The following ROS1 variants were observed in gnomAD, a reference collection of about 807,000 sequenced individuals.
ROS1 encodes the protein ROS proto-oncogene 1, receptor tyrosine kinase, also known as proto-oncogene tyrosine-protein kinase ROS.
Under a neutral mutation model 273.5 loss-of-function variants are expected in ROS1, and 263 were observed. That is an observed-to-expected ratio of 0.96 (90% CI 0.87 to 1.06). ROS1 has a LOEUF of 1.06. Among genes scored for constraint, ROS1 ranks in the 50% least tolerant of loss-of-function variants. The pLI is 0.00. For synonymous variants in ROS1, 1,008 were observed against 954.1 expected, an observed-to-expected ratio of 1.06 and a Z score of -1.04; for missense variants, 2,833 against 2,751.1, an observed-to-expected ratio of 1.03 and a Z score of -0.67.
chr6:117,356,434 T>C (rs1779309047), intron 26 of ROS1, among the ~76,000 whole-genome samples, 195 bp downstream of exon 26: 1 of 152,222 alleles, frequency 6.6e-6, no homozygotes, highest in African/African-American at 2.4e-5. Context: ...AACACAGATT[T>C]AGAAAATTAT....
Position 117,379,173 on chromosome 6 carries a change from A to C in ROS1, c.2482-14T>G. 1 of 1,523,410 alleles carries C rather than the reference A, an allele frequency of 6.6e-7. No individual in the cohort carries two copies. The highest frequency in any genetic ancestry group is 9.1e-7 in the Non-Finnish European group (1 of 1,098,846). 94.4% of individuals were successfully genotyped at this position (1,523,410 alleles called of 1,614,324 possible). A position where few individuals can be genotyped will look rare whatever the true frequency, so the allele number is the denominator to read the frequency against. On this transcript the variant is annotated splice_polypyrimidine_tract_variant and intron_variant, in intron 17 of 43. Transcript: ENST00000368507. ...TAGAGCAATTACCTAAGTAGAAAGTAAGGTAAGAAAATAAACCAAATACAT... is the reference window on the plus strand; with the variant it reads ...TAGAGCAATTACCTAAGTAGAAAGTCAGGTAAGAAAATAAACCAAATACAT...
chr6:117,423,781 A>G (rs528089084), intron 1 of ROS1, among the ~76,000 whole-genome samples: 3 of 152,204 alleles, frequency 2.0e-5, no homozygotes, highest in African/African-American at 2.4e-5. Context: ...GTAAATGTCC[A>G]TGTTTTTAAA....
intron 12 of ROS1, among the ~76,000 whole-genome samples, chr6:117,391,550 A>G (rs1723753951): frequency 6.6e-6 from 1 of 152,228 alleles, no homozygotes; most frequent in South Asian, 2.1e-4. Flanking sequence ...CAAAAAGAAC[A>G]GCATAGAGGA....
intron 1 of ROS1, among the ~76,000 whole-genome samples, chr6:117,421,295 G>T (rs9489161): frequency 0.12 from 18,573 of 150,072 alleles, 1,266 homozygotes; most frequent in African/African-American, 0.16. Flanking sequence ...GGGTACAAGT[G>T]GTTTTTGGTT....
chr6:117,386,857 T>C, intron 15 of ROS1, 32 bp downstream of exon 15: 1 of 1,096,866 alleles, frequency 9.1e-7, no homozygotes, highest in Non-Finnish European at 1.4e-6. Context: ...TAGAAATCTG[T>C]CATTCAAGTG....
chr6:117,302,791 A>T (rs1462871085), intron 42 of ROS1, among the ~76,000 whole-genome samples: 1 of 152,202 alleles, frequency 6.6e-6, no homozygotes, highest in Non-Finnish European at 1.5e-5. Flanking sequence ...CTCCCATGTC[A>T]AAGTGAGGGT....
chr6:117,298,819 C>T (rs1352764617), intron 43 of ROS1, among the ~76,000 whole-genome samples: 1 of 152,164 alleles, frequency 6.6e-6, no homozygotes, highest in Admixed American at 6.5e-5. Flanking sequence ...AATACAGGTG[C>T]TTACACTATG....
intron 42 of ROS1, among the ~76,000 whole-genome samples, chr6:117,306,707 T>C (rs1033657899): frequency 1.3e-5 from 2 of 152,176 alleles, no homozygotes; most frequent in Non-Finnish European, 2.9e-5. Context: ...GCTGGGCCTG[T>C]GATCTCAGAA....
Position 117,308,773 on chromosome 6 carries a change from A to G in ROS1, c.6551+21T>C, listed in dbSNP as rs776485024. The G allele has an allele frequency of 1.9e-6, 3 of 1,609,590 alleles. No individual in the cohort carries two copies. The African/African-American group carries it at 4.0e-5, about 22-fold the overall frequency. On this transcript the variant is annotated intron_variant, in intron 42 of 43. Coordinates refer to ENST00000368507, the MANE Select transcript of ROS1 (RefSeq NM_001378902.1). ...ACATGTTTTTGTTTGGGGGATACATATGTTAACATAATTAACTTACAGATC... is the reference window on the plus strand; with the variant it reads ...ACATGTTTTTGTTTGGGGGATACATGTGTTAACATAATTAACTTACAGATC...
In ROS1 at chr6:117,358,171, C is replaced by T. The variant is rs76521331; in HGVS notation, c.3634-162G>A. Among the ~76,000 whole-genome samples, 448 of 152,304 alleles carry T rather than the reference C, an allele frequency of 2.9e-3. 1 individual carries two copies. Among genetic ancestry groups the T allele is most frequent in the Non-Finnish European group, 5.5e-3 (371 of 68,020 alleles). On this transcript the variant is annotated intron_variant, in intron 24 of 43. Coordinates refer to ENST00000368507, the MANE Select transcript of ROS1 (RefSeq NM_001378902.1). ...ACCATTGTAACATGGGCACTGTTCT[C>T]ACATTTTTCCTAAATGATTTTAACT...
chr6:117,332,559 A>G (rs1256765777), intron 32 of ROS1, among the ~76,000 whole-genome samples: 1 of 152,214 alleles, frequency 6.6e-6, no homozygotes, highest in Non-Finnish European at 1.5e-5. Flanking sequence ...TGAGTGCCAC[A>G]TGGTACTTAT....
chr6:117,293,371 G>C (rs1206049996), intron 43 of ROS1, among the ~76,000 whole-genome samples: 1 of 152,088 alleles, frequency 6.6e-6, no homozygotes, highest in Non-Finnish European at 1.5e-5. Flanking sequence ...AATTCCTTTA[G>C]ATTACCTAAA....
chr6:117,386,329 A>G (rs1186672065), intron 15 of ROS1, among the ~76,000 whole-genome samples: 1 of 152,204 alleles, frequency 6.6e-6, no homozygotes, highest in African/African-American at 2.4e-5. Flanking sequence ...TTGTACTTTT[A>G]ATGGCCAAAT....
At chr6:117,289,960 A>C (rs991422135) in intron 43 of ROS1, among the ~76,000 whole-genome samples, 3 of 152,206 alleles carry the variant, frequency 2.0e-5, no homozygotes, top group African/African-American at 7.2e-5. Context: ...GTTAGGAAAA[A>C]ATAAGATATT....
At chr6:117,372,012 C>T (rs1466668401) in intron 18 of ROS1, among the ~76,000 whole-genome samples, 1 of 152,140 alleles carries the variant, frequency 6.6e-6, no homozygotes, top group Non-Finnish European at 1.5e-5. Flanking sequence ...AAAGGACATA[C>T]TCTCTTGGGG....
chr6:117,401,118 A>T (rs1773897587), intron 7 of ROS1, among the ~76,000 whole-genome samples: 2 of 152,216 alleles, frequency 1.3e-5, no homozygotes, highest in South Asian at 4.2e-4. Context: ...CCATTCAGCC[A>T]CCCCAACAGC....
chr6:117,372,713 G>C (rs1780919126), intron 18 of ROS1, among the ~76,000 whole-genome samples: 1 of 152,234 alleles, frequency 6.6e-6, no homozygotes, highest in Non-Finnish European at 1.5e-5. Context: ...ACTGGCCTCA[G>C]GAGTGAAGCT....
rs1018937624 is a variant in ROS1 at position 117,341,520 on chromosome 6, C to G, written c.4764G>C (p.Gln1588His). 2 of 1,613,768 alleles carry G rather than the reference C, an allele frequency of 1.2e-6. No individual in the cohort carries two copies. The highest frequency in any genetic ancestry group is 1.1e-5 in the South Asian group (1 of 91,066). The change falls in exon 30 of 44, where the codon CAG becomes CAC. Residue 1588 changes from glutamine (Q) to histidine (H), a missense_variant. Physicochemically the swap from Gln to His is conservative, Grantham distance 24 (BLOSUM62 0). Transcript: ENST00000368507. ...TTAGGGCCAGGTGTGAGATTGCCAA[C>G]TGATAACGGACTGATTCTTTAGGTC... The part of the protein sequence containing the change: ...PNGPKESVRY[Q>H]LAISHLALIP...
At chr6:117,293,012 A>C (rs1265697796) in intron 43 of ROS1, among the ~76,000 whole-genome samples, 5 of 152,132 alleles carry the variant, frequency 3.3e-5, no homozygotes, top group African/African-American at 9.7e-5. Flanking sequence ...TGAATACCTC[A>C]TTCTCTATTA....
Sources: gnomAD v4.1 joint callset for allele counts (sites outside exome capture counted in the v4.1 genomes callset) on GRCh38, gnomAD v4.1.1 for gene constraint, MANE v1.5 for transcripts, NCBI Gene and HGNC (gene_info 2026-07-23, HGNC 2026-07-21) for gene names.